AKAP17A: variants seen among roughly 807,000 people sequenced by gnomAD.
AKAP17A encodes the protein A-kinase anchoring protein 17A.
A neutral mutation model predicts 52.2 loss-of-function variants in AKAP17A; 15 were observed. The ratio of observed to expected loss-of-function variants is 0.29; its 90% CI spans 0.19 to 0.44. The LOEUF (loss-of-function observed/expected upper bound fraction) is 0.44. AKAP17A is among the 20% of genes least tolerant of loss of function. The probability of loss-of-function intolerance (pLI) is 1.00; values close to 1 mark genes in which losing one functional copy is unlikely to be tolerated. For synonymous variants in AKAP17A, 514 were observed against 424.7 expected (o/e 1.21, Z -2.58); for missense variants, 1,060 against 1,007.0 (o/e 1.05, Z -0.71).
In AKAP17A at chrX:1,600,850, C is replaced by G; in HGVS notation, c.1344C>G (p.Asp448Glu). The G allele has an allele frequency of 6.3e-7, 1 of 1,591,014 alleles. No individual in the cohort carries two copies. The highest frequency in any genetic ancestry group is 1.3e-5 in the African/African-American group (1 of 74,828). The change falls in exon 5 of 5, where the codon GAC becomes GAG. Residue 448 changes from aspartate (D) to glutamate (E), a missense_variant. Asp to Glu is a conservative substitution (Grantham distance 45, BLOSUM62 2). Transcript: ENST00000313871. ...LLSILLSKKP[D>E]DSHTHDELGV... ...GCATCCTGCTGAGCAAGAAGCCGGA[C>G]GACAGCCACACACACGACGAGCTGG...
chrX:1,601,018 G>A lies in AKAP17A; in HGVS notation c.1512G>A (p.Glu504=). 1.9e-6 allele frequency: 3 copies of A among 1,610,180 alleles called. No homozygotes were observed. Among genetic ancestry groups the A allele is most frequent in the South Asian group, 2.2e-5 (2 of 90,818 alleles). ...GAPKESPAHP[E]ADGAPKSVNG... is the part of the protein sequence containing the mutation. The stretch of plus-strand genomic sequence containing the variant: ...CCAAGGAGAGCCCGGCCCACCCAGA[G>A]GCCGACGGCGCTCCCAAAAGCGTGA... Residue 504 remains glutamate (E), a synonymous_variant, in exon 5 of 5, where the codon GAG becomes GAA. Coordinates refer to ENST00000313871, the MANE Select transcript of AKAP17A (RefSeq NM_005088.3).
chrX:1,599,927 A>G (rs1347622065), intron 4 of AKAP17A: 1 of 515,194 alleles, frequency 1.9e-6, no homozygotes. Context: ...AGGTCTCACC[A>G]GCGCCGGTAC....
In AKAP17A at chrX:1,593,616, A is replaced by G. The variant is rs750905027; in HGVS notation, c.154A>G (p.Met52Val). Reference protein sequence around the residue: ...PGKSISNWEVMERLKGMVQNH... With the variant: ...PGKSISNWEVVERLKGMVQNH... ...GAAGTCCATCTCCAACTGGGAGGTG[A>G]TGGAGAGGCTGAAGGGCATGGTGCA... The change falls in exon 2 of 5, where the codon ATG (methionine) becomes GTG (valine). Residue 52 changes from methionine (M) to valine (V), a missense_variant. By Grantham distance (21) the Met-to-Val change is conservative. Around this residue, in one of 2 missense-constraint regions of AKAP17A, gnomAD observed 267 missense variants for 377.1 expected, o/e 0.71. Transcript: ENST00000313871. The G allele has an allele frequency of 6.2e-7, 1 of 1,613,844 alleles. No homozygotes were observed. The highest frequency in any genetic ancestry group is 1.1e-5 in the South Asian group (1 of 91,066).
chrX:1,600,805 G>T lies in AKAP17A; in HGVS notation c.1299G>T (p.Glu433Asp). The T allele has an allele frequency of 6.3e-7, 1 of 1,590,238 alleles. No individual in the cohort carries two copies. Among genetic ancestry groups the T allele is most frequent in the Non-Finnish European group, 8.5e-7 (1 of 1,172,906 alleles). ...RALGLQRKER[E>D]LRERLLSILL... ...TGGGCCTGCAGCGGAAAGAGCGGGA[G>T]CTGCGCGAGCGGCTGCTGAGCATCC... Residue 433 changes from glutamate to aspartate, a missense_variant, in exon 5 of 5, where the codon GAG (glutamate) becomes GAT (aspartate). Around this residue, in one of 2 missense-constraint regions of AKAP17A, gnomAD observed 793 missense variants for 629.9 expected, o/e 1.26. Transcript: ENST00000313871.
intron 4 of AKAP17A, 125 bp downstream of exon 4, chrX:1,599,557 C>A: frequency 7.5e-7 from 1 of 1,337,714 alleles, no homozygotes; most frequent in Non-Finnish European, 1.0e-6. Context: ...ACGAAACCAG[C>A]TTTAATGCCG....
Position 1,593,668 on chromosome X carries a change from T to C in AKAP17A, c.206T>C (p.Ile69Thr), listed in dbSNP as rs1178006908. ...VQNHQFSTLR[I>T]SKSTMDFIRF... ...AACCACCAGTTCTCCACGCTGCGTA[T>C]TTCCAAGAGCACCATGGACTTCATC... is the stretch of plus-strand genomic sequence containing the variant. Residue 69 changes from isoleucine (I) to threonine (T), a missense_variant, in exon 2 of 5, where the codon ATT becomes ACT. Ile to Thr is a moderately conservative substitution (Grantham distance 89, BLOSUM62 -1). This residue lies in a region of AKAP17A where 267 missense variants were observed against 377.1 expected (regional missense o/e 0.71). Transcript: ENST00000313871. The C allele has an allele frequency of 6.2e-7, 1 of 1,613,818 alleles. No homozygotes were observed. The highest frequency in any genetic ancestry group is 8.5e-7 in the Non-Finnish European group (1 of 1,179,874).
chrX:1,601,408 C>T lies in AKAP17A; in HGVS notation c.1902C>T (p.Pro634=), dbSNP rs776419735. 52 of 1,564,490 alleles carry T rather than the reference C, an allele frequency of 3.3e-5. No homozygotes were observed. The South Asian group carries it at 4.5e-4, about 13-fold the overall frequency. Residue 634 remains proline, a synonymous_variant, in exon 5 of 5, where the codon CCC becomes CCT. Coordinates refer to ENST00000313871, the MANE Select transcript of AKAP17A (RefSeq NM_005088.3). ...AGCACGCCTACAAGGATGACAGCCC[C>T]CGCCGGCGCAGCACGAGCCCGGACC... The part of the protein sequence containing the change: ...HKKHAYKDDS[P]RRRSTSPDHT...
rs1368726176 is a variant in AKAP17A, at chrX:1,601,615, C to T, written c.*21C>T. ...GGTAATGACGGGCACGGCCTCCCCA[C>T]GGCCTGTCCGGGAAAGACCAGGACC... On this transcript the variant is annotated 3_prime_UTR_variant, in exon 5 of 5. Coordinates refer to ENST00000313871, the MANE Select transcript of AKAP17A (RefSeq NM_005088.3). 7.1e-6 allele frequency: 10 copies of T among 1,407,596 alleles called. No individual in the cohort carries two copies. The South Asian group carries it at 9.6e-5, about 13-fold the overall frequency. 87.2% of individuals were successfully genotyped at this position (1,407,596 alleles called of 1,614,324 possible).
chrX:1,600,902 C>A lies in AKAP17A; in HGVS notation c.1396C>A (p.Pro466Thr). ...CGTGGCACACGCCGACCTGCTGCAGCCCGTCCTGGACATCCTGCAGACCGT... is the reference window on the plus strand; with the variant it reads ...CGTGGCACACGCCGACCTGCTGCAGACCGTCCTGGACATCCTGCAGACCGT... ...LGVAHADLLQ[P>T]VLDILQTVSS... is the part of the protein sequence containing the mutation. The change falls in exon 5 of 5, where the codon CCC becomes ACC. Residue 466 changes from proline to threonine, a missense_variant. Physicochemically the swap from Pro to Thr is conservative, Grantham distance 38. This residue lies in a region of AKAP17A where 793 missense variants were observed against 629.9 expected (regional missense o/e 1.26). Coordinates refer to ENST00000313871, the MANE Select transcript of AKAP17A (RefSeq NM_005088.3). The A allele has an allele frequency of 6.3e-7, 1 of 1,575,784 alleles. No homozygotes were observed. Among genetic ancestry groups the A allele is most frequent in the Non-Finnish European group, 8.6e-7 (1 of 1,164,850 alleles).
At chrX:1,596,932 CTACTCCTCTTCG>C (rs1933027174) in intron 3 of AKAP17A, among the ~76,000 whole-genome samples, 8 of 146,140 alleles carry the variant, frequency 5.5e-5, no homozygotes, top group African/African-American at 1.7e-4. Flanking sequence ...CCTCCTCCTC[CTACTCCTCTTCG>C]TCCTCCGTCC....
Position 1,593,912 on chromosome X carries a change from C to T in AKAP17A, c.450C>T (p.His150=). The change falls in exon 2 of 5, where the codon CAC becomes CAT. Residue 150 remains histidine (H), a synonymous_variant. Coordinates refer to ENST00000313871, the MANE Select transcript of AKAP17A (RefSeq NM_005088.3). ...TLPGERPDTI[H]LEGLPCKWFA... ...CGGGGGAGCGGCCGGACACCATCCACCTGGAGGGGCTGCCCTGCAAGTGGT... is the reference window on the plus strand; with the variant it reads ...CGGGGGAGCGGCCGGACACCATCCATCTGGAGGGGCTGCCCTGCAAGTGGT... The T allele has an allele frequency of 6.2e-7, 1 of 1,611,756 alleles. No homozygotes were observed. Among genetic ancestry groups the T allele is most frequent in the Non-Finnish European group, 8.5e-7 (1 of 1,178,618 alleles).
chrX:1,596,116 TCA>T (rs1362988667), intron 3 of AKAP17A, among the ~76,000 whole-genome samples: 6 of 151,914 alleles, frequency 3.9e-5, no homozygotes, highest in Non-Finnish European at 8.8e-5. Context: ...CACATGCTGT[TCA>T]CACCTCCCGC....
intron 4 of AKAP17A, chrX:1,600,125 TG>T: frequency 7.7e-7 from 1 of 1,301,250 alleles, no homozygotes; most frequent in Non-Finnish European, 1.0e-6. Flanking sequence ...CATAACCTGT[TG>T]TCTGATTACA....
In AKAP17A at chrX:1,602,313, T is replaced by G. The variant is rs1933434436; in HGVS notation, c.*719T>G. 1 of 152,176 alleles carries G rather than the reference T, an allele frequency of 6.6e-6. No homozygotes were observed. Among genetic ancestry groups the G allele is most frequent in the Non-Finnish European group, 1.5e-5 (1 of 68,032 alleles). 9.4% of individuals were successfully genotyped at this position (152,176 alleles called of 1,614,324 possible). A position where few individuals can be genotyped will look rare whatever the true frequency, so the allele number is the denominator to read the frequency against. On this transcript the variant is annotated 3_prime_UTR_variant, in exon 5 of 5. Coordinates refer to ENST00000313871, the MANE Select transcript of AKAP17A (RefSeq NM_005088.3). ...TCTAGTAAAGGTTAGTGTGTGTGGTTTTTTTAAGAAGCTGTTTTGCTAAAT... is the reference window on the plus strand; with the variant it reads ...TCTAGTAAAGGTTAGTGTGTGTGGTGTTTTTAAGAAGCTGTTTTGCTAAAT...
At chrX:1,593,183 G>A (rs1352723635) in intron 1 of AKAP17A, among the ~76,000 whole-genome samples, 1 of 152,180 alleles carries the variant, frequency 6.6e-6, no homozygotes, top group Non-Finnish European at 1.5e-5. Context: ...AGGGTGTCGG[G>A]CAGTGCTGAC....
chrX:1,599,169 C>A (rs759172390), intron 3 of AKAP17A, 23 bp from the exon 4 acceptor site: 14 of 1,605,170 alleles, frequency 8.7e-6, no homozygotes. Flanking sequence ...TCTCTGTGAC[C>A]ACCCCCGGTG....
Position 1,600,969 on chromosome X carries a change from G to A in AKAP17A, c.1463G>A (p.Gly488Glu), listed in dbSNP as rs771751274. 2.5e-6 allele frequency: 4 copies of A among 1,591,882 alleles called. No homozygotes were observed. Among genetic ancestry groups the A allele is most frequent in the East Asian group, 2.3e-5 (1 of 43,800 alleles). Residue 488 changes from glycine to glutamate, a missense_variant, in exon 5 of 5, where the codon GGG (glycine) becomes GAG (glutamate). Around this residue, in one of 2 missense-constraint regions of AKAP17A, gnomAD observed 793 missense variants for 629.9 expected, o/e 1.26. Coordinates refer to ENST00000313871, the MANE Select transcript of AKAP17A (RefSeq NM_005088.3). Reference protein sequence around the residue: ...CVSATTLHPLGGQPPAGAPKE... With the variant: ...CVSATTLHPLEGQPPAGAPKE... Reference sequence around the variant, plus strand: ...AGCGCCACCACGCTGCACCCCCTCGGGGGCCAGCCCCCGGCCGGTGCCCCC... The same window carrying A: ...AGCGCCACCACGCTGCACCCCCTCGAGGGCCAGCCCCCGGCCGGTGCCCCC...
rs1188182886 is a variant in AKAP17A, at chrX:1,601,962, C to T, written c.*368C>T. ...CTGTGTCTGCTTGGCGACCTCCCTG[C>T]GTGCACGGCCTAGGAGGTGCACGGG... On this transcript the variant is annotated 3_prime_UTR_variant, in exon 5 of 5. Coordinates refer to ENST00000313871, the MANE Select transcript of AKAP17A (RefSeq NM_005088.3). 25 of 232,744 alleles carry T rather than the reference C, an allele frequency of 1.1e-4. No individual in the cohort carries two copies. Among genetic ancestry groups the T allele is most frequent in the African/African-American group, 4.7e-4 (21 of 44,532 alleles). The allele number at this position is 232,744 out of a possible 1,614,324, so 14.4% of individuals were successfully genotyped here.
At chrX:1,594,954 A>G (rs1932913507) in intron 2 of AKAP17A, among the ~76,000 whole-genome samples, 1 of 152,202 alleles carries the variant, frequency 6.6e-6, no homozygotes, top group Non-Finnish European at 1.5e-5. Flanking sequence ...TCACAGTGAC[A>G]AATGAGCCAG....
Sources: allele counts gnomAD v4.1 joint callset (sites outside exome capture counted in the v4.1 genomes callset), GRCh38; gene constraint gnomAD v4.1.1; regional missense constraint gnomAD v4.1.1; transcripts MANE v1.5; gene names NCBI Gene and HGNC (gene_info 2026-07-23, HGNC 2026-07-21).